Variants in KCNMA1 observed in about 807,000 individuals in gnomAD.
KCNMA1 encodes the protein Calcium-activated potassium channel subunit alpha-1.
Under a neutral mutation model 140.0 loss-of-function variants are expected in KCNMA1, and 29 were observed. That is an observed-to-expected ratio of 0.21 (90% CI 0.15 to 0.28). KCNMA1 has a LOEUF of 0.28. Ranked by LOEUF, KCNMA1 falls within the 10% of genes least tolerant of loss-of-function variation. KCNMA1 has a pLI of 1.00. For synonymous variants in KCNMA1, 612 were observed against 611.9 expected (o/e 1.00, Z 0.00); for missense variants, 880 against 1,602.2 (o/e 0.55, Z 7.70).
At chr10:77,158,470 G>A (rs1198638862) in intron 5 of KCNMA1, among the ~76,000 whole-genome samples, 1 of 152,098 alleles carries the variant, frequency 6.6e-6, no homozygotes, top group Non-Finnish European at 1.5e-5. Flanking sequence ...GGCCATGGGA[G>A]TCTCCTCTCT....
chr10:76,886,713 T>C lies in KCNMA1; in HGVS notation c.*553A>G. 1 of 1,003,074 alleles carries C rather than the reference T, an allele frequency of 1.0e-6. No homozygotes were observed. Among genetic ancestry groups the C allele is most frequent in the Non-Finnish European group, 1.2e-6 (1 of 839,852 alleles). 62.1% of individuals were successfully genotyped at this position (1,003,074 alleles called of 1,614,324 possible). ...TCATCTACACAAATCGTGAAAGCTT[T>C]TCAAATGCTTCGCAATACTTCGGCC... On this transcript the variant is annotated 3_prime_UTR_variant, in exon 28 of 28. Coordinates refer to ENST00000286628, the MANE Select transcript of KCNMA1 (RefSeq NM_001161352.2).
intron 5 of KCNMA1, among the ~76,000 whole-genome samples, chr10:77,151,091 T>TTC (rs371312636): frequency 3.3e-5 from 5 of 151,460 alleles, no homozygotes; most frequent in African/African-American, 9.7e-5. Flanking sequence ...CTTTCTTTCT[T>TTC]TCTCTCTCTC....
intron 1 of KCNMA1, among the ~76,000 whole-genome samples, chr10:77,617,028 C>T (rs764455587): frequency 3.3e-5 from 5 of 152,144 alleles, no homozygotes; most frequent in African/African-American, 4.8e-5. Flanking sequence ...GAATGAGAGA[C>T]GTTGCTCATT....
At chr10:77,466,657 G>A (rs2098023306) in intron 1 of KCNMA1, among the ~76,000 whole-genome samples, 1 of 152,176 alleles carries the variant, frequency 6.6e-6, no homozygotes, top group Non-Finnish European at 1.5e-5. Flanking sequence ...GTCACAGAAA[G>A]ACTGATGCAA....
chr10:76,879,578 T>G (rs2033746392), intron 29 of KCNMA1, among the ~76,000 whole-genome samples: 2 of 149,174 alleles, frequency 1.3e-5, no homozygotes, highest in South Asian at 4.3e-4. Flanking sequence ...CAAGCAGAGT[T>G]TTTTTTTTTT....
intron 1 of KCNMA1, among the ~76,000 whole-genome samples, chr10:77,504,780 T>G (rs1164905636): frequency 6.6e-6 from 1 of 152,144 alleles, no homozygotes; most frequent in African/African-American, 2.4e-5. Flanking sequence ...TTCTTTAAAT[T>G]GTTGCATTTT....
At chr10:77,264,157 G>A (rs1392005196) in intron 2 of KCNMA1, among the ~76,000 whole-genome samples, 1 of 152,116 alleles carries the variant, frequency 6.6e-6, no homozygotes, top group African/African-American at 2.4e-5. Flanking sequence ...TCGAAAGCCT[G>A]GCCCACAGCC....
chr10:77,280,203 C>T (rs1431032707), intron 2 of KCNMA1, among the ~76,000 whole-genome samples: 2 of 152,224 alleles, frequency 1.3e-5, no homozygotes, highest in Non-Finnish European at 2.9e-5. Context: ...GCGCTAGAAA[C>T]ACCACAAATT....
At chr10:77,143,504 A>T (rs1430446642) in intron 5 of KCNMA1, among the ~76,000 whole-genome samples, 1 of 152,194 alleles carries the variant, frequency 6.6e-6, no homozygotes, top group Non-Finnish European at 1.5e-5. Flanking sequence ...AAATAAAGTC[A>T]TCGCCACAAA....
chr10:77,372,980 C>A (rs74905218), intron 2 of KCNMA1: 1 of 152,156 alleles, frequency 6.6e-6, no homozygotes, highest in African/African-American at 2.4e-5. Flanking sequence ...TATTTGCTAC[C>A]AACTAAATAG....
intron 23 of KCNMA1, among the ~76,000 whole-genome samples, chr10:76,916,215 A>G (rs1590504742): frequency 1.3e-5 from 2 of 152,170 alleles, no homozygotes; most frequent in African/African-American, 2.4e-5. Context: ...CAGTGTGCCA[A>G]ACACAGACCA....
At chr10:76,957,832 T>G (rs182723087) in intron 20 of KCNMA1, among the ~76,000 whole-genome samples, 1 of 152,214 alleles carries the variant, frequency 6.6e-6, no homozygotes, top group African/African-American at 2.4e-5. Flanking sequence ...ACACACTCAC[T>G]GGATTTCACA....
chr10:77,116,500 A>G (rs1165523552), intron 6 of KCNMA1, among the ~76,000 whole-genome samples: 2 of 151,500 alleles, frequency 1.3e-5, no homozygotes, highest in Non-Finnish European at 1.5e-5. Context: ...GCTTGTCTCT[A>G]ATTTTTCTCT....
intron 3 of KCNMA1, among the ~76,000 whole-genome samples, chr10:77,240,206 TAAAC>T (rs1270748929): frequency 6.6e-6 from 1 of 152,242 alleles, no homozygotes; most frequent in Non-Finnish European, 1.5e-5. Flanking sequence ...TTGCAGTTCT[TAAAC>T]AAACAGAGTG....
intron 3 of KCNMA1, among the ~76,000 whole-genome samples, chr10:77,185,704 T>C (rs538441498): frequency 6.6e-6 from 1 of 150,466 alleles, no homozygotes; most frequent in East Asian, 2.0e-4. Flanking sequence ...TTCAAAAGGG[T>C]ACTACTATAC....
intron 1 of KCNMA1, 181 bp downstream of exon 1, chr10:77,637,084 G>C: frequency 7.5e-7 from 1 of 1,327,056 alleles, no homozygotes; most frequent in Non-Finnish European, 9.9e-7. Flanking sequence ...CACCCCCGGC[G>C]CGCCGCCCGC....
At chr10:76,941,150 GA>G (rs2062186401) in intron 23 of KCNMA1, among the ~76,000 whole-genome samples, 4 of 69,850 alleles carry the variant, frequency 5.7e-5, no homozygotes, top group Non-Finnish European at 1.2e-4. Context: ...GAAGGGAAGG[GA>G]AGGGAGGGAA....
chr10:77,383,521 C>T (rs2095499020), intron 2 of KCNMA1, among the ~76,000 whole-genome samples: 2 of 151,666 alleles, frequency 1.3e-5, no homozygotes, highest in Non-Finnish European at 2.9e-5. Context: ...AGTACATTCA[C>T]ATGGTCGCTC....
chr10:77,012,213 A>G (rs2090957376), intron 17 of KCNMA1, 170 bp from the exon 18 acceptor site: 2 of 1,490,520 alleles, frequency 1.3e-6, no homozygotes, highest in African/African-American at 2.8e-5. Flanking sequence ...TTGCAAGACC[A>G]TTTATTTCAA....
Sources: gnomAD v4.1 joint callset for allele counts (sites outside exome capture counted in the v4.1 genomes callset) on GRCh38, gnomAD v4.1.1 for gene constraint, MANE v1.5 for transcripts, NCBI Gene and HGNC (gene_info 2026-07-23, HGNC 2026-07-21) for gene names.